ASAP1: variants seen among roughly 807,000 people sequenced by gnomAD.
ASAP1 encodes the protein arf-GAP with SH3 domain, ANK repeat and PH domain-containing protein 1.
A neutral mutation model predicts 145.2 loss-of-function variants in ASAP1; 43 were observed. The ratio of observed to expected loss-of-function variants is 0.30; its 90% confidence interval spans 0.23 to 0.38. ASAP1 has a LOEUF of 0.38. Among genes scored for constraint, ASAP1 ranks in the 10% least tolerant of loss-of-function variants. The probability of loss-of-function intolerance (pLI) is 1.00; values close to 1 mark genes in which losing one functional copy is unlikely to be tolerated. For synonymous variants in ASAP1, 546 were observed against 515.5 expected, an observed-to-expected ratio of 1.06 and a Z score of -0.80; for missense variants, 1,018 against 1,355.3, an observed-to-expected ratio of 0.75 and a Z score of 3.91.
At chr8:130,098,401 T>C (rs909473143) in intron 24 of ASAP1, among the ~76,000 whole-genome samples, 2 of 152,102 alleles carry the variant, frequency 1.3e-5, no homozygotes, top group Non-Finnish European at 2.9e-5. Flanking sequence ...TGGAGTGCAG[T>C]GGCATGATCT....
At chr8:130,386,061 A>C (rs79226896) in intron 2 of ASAP1, among the ~76,000 whole-genome samples, 62 of 152,278 alleles carry the variant, frequency 4.1e-4, no homozygotes, top group Non-Finnish European at 8.2e-4. Flanking sequence ...ATTTTGCAAA[A>C]TCTTCTGGGA....
At chr8:130,356,809 C>T (rs1826338197) in intron 3 of ASAP1, among the ~76,000 whole-genome samples, 1 of 152,164 alleles carries the variant, frequency 6.6e-6, no homozygotes, top group African/African-American at 2.4e-5. Context: ...ACATGAGTAT[C>T]AAAGCTCATT....
intron 11 of ASAP1, among the ~76,000 whole-genome samples, chr8:130,166,930 C>T (rs2097681037): frequency 6.6e-6 from 1 of 152,154 alleles, no homozygotes; most frequent in African/African-American, 2.4e-5. Context: ...CAGAAGTGGT[C>T]TAAAGAGGAA....
chr8:130,341,662 C>T (rs1011860806), intron 3 of ASAP1, among the ~76,000 whole-genome samples: 4 of 152,182 alleles, frequency 2.6e-5, no homozygotes, highest in African/African-American at 9.7e-5. Flanking sequence ...CCTGATGAGG[C>T]TGGTGCAAAG....
In ASAP1 at chr8:130,358,186, C is replaced by T. The variant is rs758464343; in HGVS notation, c.60-43G>A. ...ACACAAGCGGGGGCGGGGGGTGAGT[C>T]ACGGCGCAGGCTCCCGGGGCCGCGG... On this transcript the variant is annotated intron_variant, in intron 2 of 29. Transcript: ENST00000518721. This position sits in a 1 kb window ranked among gnomAD's most constrained non-coding sequence, Gnocchi z 4.1. 6.4e-7 allele frequency: 1 copy of T among 1,561,678 alleles called. No individual in the cohort carries two copies. Among genetic ancestry groups the T allele is most frequent in the Admixed American group, 1.7e-5 (1 of 57,718 alleles).
At chr8:130,230,382 G>A (rs901591997) in intron 4 of ASAP1, among the ~76,000 whole-genome samples, 7 of 151,964 alleles carry the variant, frequency 4.6e-5, no homozygotes, top group Non-Finnish European at 7.4e-5. Flanking sequence ...AAGAAGCCTC[G>A]GGTTTTAATA....
chr8:130,362,429 GT>G (rs1826763139), intron 2 of ASAP1, among the ~76,000 whole-genome samples: 1 of 152,190 alleles, frequency 6.6e-6, no homozygotes, highest in Non-Finnish European at 1.5e-5. Flanking sequence ...CTACTTTCTT[GT>G]TTATTCACCT....
At chr8:130,437,134 A>G (rs1233643449) in intron 1 of ASAP1, among the ~76,000 whole-genome samples, 1 of 152,152 alleles carries the variant, frequency 6.6e-6, no homozygotes, top group Non-Finnish European at 1.5e-5. Context: ...TTAAAAATTA[A>G]AACTCGATGA....
At chr8:130,394,189 C>T (rs192812402) in intron 2 of ASAP1, among the ~76,000 whole-genome samples, 2,309 of 152,232 alleles carry the variant, frequency 0.015, 34 homozygotes, top group East Asian at 0.027. Context: ...GTGAGCTGGG[C>T]GGAACAGAGC....
intron 2 of ASAP1, among the ~76,000 whole-genome samples, chr8:130,367,967 C>T (rs1457527416): frequency 6.6e-6 from 1 of 152,142 alleles, no homozygotes; most frequent in African/African-American, 2.4e-5. Context: ...ACTGCCCGCC[C>T]ACTGCAGAGT....
chr8:130,276,722 ACACACACT>A (rs1186277836), intron 3 of ASAP1, among the ~76,000 whole-genome samples: 335 of 110,622 alleles, frequency 3.0e-3, no homozygotes, highest in Middle Eastern at 0.023. Context: ...ACACACACAC[ACACACACT>A]CTCTCTCTCT....
chr8:130,358,439 T>G lies in ASAP1; in HGVS notation c.60-296A>C, dbSNP rs1826487568. Among the ~76,000 whole-genome samples the G allele has an allele frequency of 1.4e-5, 2 of 148,000 alleles. No homozygotes were observed. The highest frequency in any genetic ancestry group is 2.5e-5 in the African/African-American group (1 of 40,796). On this transcript the variant is annotated intron_variant, in intron 2 of 29. Coordinates refer to ENST00000518721, the MANE Select transcript of ASAP1 (RefSeq NM_018482.4). The surrounding 1 kb of genome is among the most constrained non-coding windows in gnomAD (Gnocchi z 4.1). ...CTCTGCTCATGCCGGCGGCGGCAGC[T>G]CCTCAGCGGCGGGGGAGGGGACGCG...
chr8:130,119,698 G>A (rs962141894), intron 18 of ASAP1, among the ~76,000 whole-genome samples: 2 of 152,110 alleles, frequency 1.3e-5, no homozygotes, highest in African/African-American at 4.8e-5. Context: ...AGTTACATGA[G>A]CTAATTAATA....
chr8:130,336,082 G>A (rs1348697341), intron 3 of ASAP1, among the ~76,000 whole-genome samples: 1 of 152,154 alleles, frequency 6.6e-6, no homozygotes, highest in Non-Finnish European at 1.5e-5. Context: ...GCCTACCAGA[G>A]ATAGACACCT....
At chr8:130,443,223 C>CCA (rs1830553087) in intron 1 of ASAP1, among the ~76,000 whole-genome samples, 1 of 151,052 alleles carries the variant, frequency 6.6e-6, no homozygotes, top group African/African-American at 2.4e-5. Context: ...CCTCCCCCCC[C>CCA]CACCGGGCGG....
intron 4 of ASAP1, among the ~76,000 whole-genome samples, chr8:130,229,720 T>C (rs536787878): frequency 6.6e-6 from 1 of 152,230 alleles, no homozygotes; most frequent in Non-Finnish European, 1.5e-5. Flanking sequence ...CAGAGCAAAT[T>C]TGTTGTTCAT....
intron 5 of ASAP1, among the ~76,000 whole-genome samples, chr8:130,201,665 G>A (rs1451763702): frequency 6.6e-6 from 1 of 152,086 alleles, no homozygotes; most frequent in Non-Finnish European, 1.5e-5. Context: ...AAAAGGAGGG[G>A]GTGTGCTATA....
At chr8:130,091,175 C>T (rs1329083289) in intron 25 of ASAP1, among the ~76,000 whole-genome samples, 2 of 152,178 alleles carry the variant, frequency 1.3e-5, no homozygotes, top group Non-Finnish European at 1.5e-5. Context: ...TCACTGTATG[C>T]CAGGCGTGGT....
chr8:130,243,946 T>C (rs949231905), intron 3 of ASAP1, among the ~76,000 whole-genome samples: 1 of 152,212 alleles, frequency 6.6e-6, no homozygotes, highest in African/African-American at 2.4e-5. Context: ...TTCATGGCAA[T>C]GTCACCAGCA....
Sources: gnomAD v4.1 joint callset for allele counts (sites outside exome capture counted in the v4.1 genomes callset) on GRCh38, gnomAD v4.1.1 for gene constraint, Gnocchi (gnomAD v3.1) non-coding constraint, MANE v1.5 for transcripts, NCBI Gene and HGNC (gene_info 2026-07-23, HGNC 2026-07-21) for gene names.